The following MMP16 variants were observed in gnomAD, a reference collection of about 807,000 sequenced individuals.
The protein encoded by MMP16 is matrix metallopeptidase 16, also known as matrix metalloproteinase-16.
In MMP16, 12 loss-of-function variants were observed where a neutral mutation model predicts 67.8. That is an observed-to-expected ratio of 0.18 (90% CI 0.11 to 0.29). MMP16 has a LOEUF of 0.29. Ranked by LOEUF, MMP16 falls within the 10% of genes least tolerant of loss-of-function variation. The probability of loss-of-function intolerance (pLI) is 1.00; values close to 1 mark genes in which losing one functional copy is unlikely to be tolerated. For synonymous variants in MMP16, 249 were observed against 255.9 expected (o/e 0.97, Z 0.26); for missense variants, 475 against 765.7 (o/e 0.62, Z 4.48).
chr8:88,299,336 T>C (rs1298498383), intron 1 of MMP16, among the ~76,000 whole-genome samples: 1 of 152,014 alleles, frequency 6.6e-6, no homozygotes, highest in South Asian at 2.1e-4. Context: ...GAAAGTACAC[T>C]TCATACTCCA....
At chr8:88,324,662 G>A (rs1313118499) in intron 1 of MMP16, among the ~76,000 whole-genome samples, 1 of 152,088 alleles carries the variant, frequency 6.6e-6, no homozygotes, top group Non-Finnish European at 1.5e-5. Flanking sequence ...TTCCCAGTGT[G>A]TATGTTTTGC....
chr8:88,266,290 C>T (rs1219224745), intron 1 of MMP16, among the ~76,000 whole-genome samples: 3 of 152,280 alleles, frequency 2.0e-5, no homozygotes, highest in Admixed American at 6.5e-5. Context: ...TTATATCCAT[C>T]AGACTAAGAC....
intron 1 of MMP16, among the ~76,000 whole-genome samples, chr8:88,203,580 A>C (rs565377766): frequency 6.6e-6 from 1 of 152,316 alleles, no homozygotes; most frequent in South Asian, 2.1e-4. Flanking sequence ...TCCACAGTGC[A>C]AAGAGTTTCA....
At chr8:88,069,506 T>TA (rs79470766) in intron 7 of MMP16, 110,742 of 529,072 alleles carry the variant, frequency 0.21, 13,233 homozygotes, top group African/African-American at 0.34. Context: ...GGATTATAGA[T>TA]AGAGTGTCTC....
At chr8:88,318,665 C>T (rs566809597) in intron 1 of MMP16, among the ~76,000 whole-genome samples, 2 of 152,212 alleles carry the variant, frequency 1.3e-5, no homozygotes, top group East Asian at 3.9e-4. Context: ...TTGGCAAGTT[C>T]TTCAAACCCT....
chr8:88,071,835 A>G (rs550742358), intron 7 of MMP16, among the ~76,000 whole-genome samples: 151 of 152,270 alleles, frequency 9.9e-4, no homozygotes, highest in Non-Finnish European at 1.7e-3. Context: ...AACACAACAC[A>G]CACAAAAAAC....
At chr8:88,228,881 C>T (rs948290479) in intron 1 of MMP16, among the ~76,000 whole-genome samples, 1 of 151,934 alleles carries the variant, frequency 6.6e-6, no homozygotes, top group African/African-American at 2.4e-5. Flanking sequence ...GCACTACAGG[C>T]CGGGCATGAT....
chr8:88,273,918 C>T (rs912187796), intron 1 of MMP16, among the ~76,000 whole-genome samples: 12 of 152,246 alleles, frequency 7.9e-5, no homozygotes, highest in African/African-American at 2.9e-4. Flanking sequence ...CACAAAACAG[C>T]AACATCATCA....
intron 1 of MMP16, among the ~76,000 whole-genome samples, chr8:88,287,227 C>G (rs1810846541): frequency 6.6e-6 from 1 of 151,958 alleles, no homozygotes; most frequent in Non-Finnish European, 1.5e-5. Context: ...TTAAGAGTCT[C>G]TCTCTGAGCG....
At chr8:88,069,865 A>G (rs550782929) in intron 7 of MMP16, among the ~76,000 whole-genome samples, 3 of 152,148 alleles carry the variant, frequency 2.0e-5, no homozygotes, top group Non-Finnish European at 4.4e-5. Flanking sequence ...ATAAAATCTC[A>G]GACCCTTTAC....
chr8:88,111,522 CA>C (rs947785941), intron 6 of MMP16, among the ~76,000 whole-genome samples: 3 of 151,420 alleles, frequency 2.0e-5, no homozygotes, highest in African/African-American at 7.3e-5. Context: ...TAAAAATGAG[CA>C]AAATAAGATA....
At chr8:88,104,883 A>T (rs186006931) in intron 6 of MMP16, among the ~76,000 whole-genome samples, 1 of 151,692 alleles carries the variant, frequency 6.6e-6, no homozygotes, top group East Asian at 2.0e-4. Context: ...AAAAATCCAA[A>T]AAACACAAAA....
intron 4 of MMP16, among the ~76,000 whole-genome samples, chr8:88,165,011 C>A (rs1808688186): frequency 6.6e-6 from 1 of 151,394 alleles, no homozygotes; most frequent in African/African-American, 2.4e-5. Flanking sequence ...ATAAAATCTC[C>A]CTGTAGATTT....
rs1808478744 is a variant in MMP16, at chr8:88,154,766, T to G, written c.709+12903A>C. ...TAGCATTGGGAGATATACCTAAGGC[T>G]AGATGACGAGTTAGTGGGTGCAGCG... On this transcript the variant is annotated intron_variant, in intron 4 of 9. Coordinates refer to ENST00000286614, the MANE Select transcript of MMP16 (RefSeq NM_005941.5). Among the ~76,000 whole-genome samples the G allele has an allele frequency of 2.7e-5, 4 of 147,774 alleles. No homozygotes were observed. In the South Asian group the frequency reaches 8.7e-4, roughly 32 times the overall value.
intron 1 of MMP16, among the ~76,000 whole-genome samples, chr8:88,279,656 C>T (rs1810702028): frequency 6.6e-6 from 1 of 152,084 alleles, no homozygotes; most frequent in Non-Finnish European, 1.5e-5. Context: ...TCAAGAGGGG[C>T]AACATCTATT....
At chr8:88,090,153 G>A (rs1194416110) in intron 6 of MMP16, among the ~76,000 whole-genome samples, 3 of 151,844 alleles carry the variant, frequency 2.0e-5, no homozygotes, top group Admixed American at 2.0e-4. Flanking sequence ...TTTTTTGCAA[G>A]GTTTTAGAAT....
intron 6 of MMP16, among the ~76,000 whole-genome samples, chr8:88,115,736 A>T (rs1809417870): frequency 6.6e-6 from 1 of 152,040 alleles, no homozygotes. Context: ...TACTGCCAAC[A>T]TACAAACTTA....
intron 8 of MMP16, among the ~76,000 whole-genome samples, chr8:88,047,881 A>G (rs1358493951): frequency 6.6e-6 from 1 of 152,216 alleles, no homozygotes; most frequent in Non-Finnish European, 1.5e-5. Flanking sequence ...GCCAGTCGGG[A>G]TGTCACTGCA....
chr8:88,202,699 A>G (rs1809362604), intron 1 of MMP16, among the ~76,000 whole-genome samples: 1 of 152,176 alleles, frequency 6.6e-6, no homozygotes, highest in Non-Finnish European at 1.5e-5. Context: ...AACACAACCA[A>G]TGATAAACAA....
Sources: gnomAD v4.1 joint callset for allele counts (sites outside exome capture counted in the v4.1 genomes callset) on GRCh38, gnomAD v4.1.1 for gene constraint, MANE v1.5 for transcripts, NCBI Gene and HGNC (gene_info 2026-07-23, HGNC 2026-07-21) for gene names.